The following ST3GAL3 variants were observed in gnomAD, a reference collection of about 807,000 sequenced individuals.
ST3GAL3 encodes the protein ST3 beta-galactoside alpha-2,3-sialyltransferase 3.
Under a neutral mutation model 50.1 loss-of-function variants are expected in ST3GAL3, and 21 were observed. That is an observed-to-expected ratio of 0.42 (90% CI 0.30 to 0.60). ST3GAL3 has a LOEUF of 0.60. Ranked by LOEUF, ST3GAL3 falls within the 20% of genes least tolerant of loss-of-function variation. The pLI, the probability that ST3GAL3 is intolerant of heterozygous loss-of-function variation, is 0.19. For missense variants in ST3GAL3, 353 were observed against 489.4 expected (o/e 0.72, Z 2.63); for synonymous variants, 183 against 190.0 (o/e 0.96, Z 0.30).
At chr1:43,857,636 C>CTTCCTTCCT (rs1558606445) in intron 5 of ST3GAL3, among the ~76,000 whole-genome samples, 3 of 147,062 alleles carry the variant, frequency 2.0e-5, no homozygotes, top group Non-Finnish European at 4.5e-5. Context: ...TCCTTCCTTC[C>CTTCCTTCCT]TCGGAGTCTT....
At chr1:43,825,270 A>C (rs1161449349) in intron 4 of ST3GAL3, among the ~76,000 whole-genome samples, 1 of 152,190 alleles carries the variant, frequency 6.6e-6, no homozygotes, top group Non-Finnish European at 1.5e-5. Flanking sequence ...TTTTGATTCT[A>C]AATATTGTTT....
At chr1:43,919,912 G>A (rs2082733375) in intron 9 of ST3GAL3, 1 of 235,102 alleles carries the variant, frequency 4.3e-6, no homozygotes, top group South Asian at 6.4e-5. Flanking sequence ...ACTTGCTCAC[G>A]CTCTGTCTCC....
At chr1:43,777,123 T>C (rs986297866) in intron 2 of ST3GAL3, among the ~76,000 whole-genome samples, 11 of 152,188 alleles carry the variant, frequency 7.2e-5, no homozygotes, top group African/African-American at 2.7e-4. Flanking sequence ...ATTTGGGTTT[T>C]TAAAGCAAAT....
chr1:43,877,621 C>A (rs908478445), intron 5 of ST3GAL3, among the ~76,000 whole-genome samples: 1 of 152,158 alleles, frequency 6.6e-6, no homozygotes, highest in Non-Finnish European at 1.5e-5. Context: ...GTCTTGAGCT[C>A]CGGATACAGG....
chr1:43,806,169 G>T (rs1250869835), intron 3 of ST3GAL3, among the ~76,000 whole-genome samples: 1 of 152,210 alleles, frequency 6.6e-6, no homozygotes, highest in African/African-American at 2.4e-5. Flanking sequence ...GGAGACAATA[G>T]TATAAGACAG....
intron 2 of ST3GAL3, among the ~76,000 whole-genome samples, chr1:43,777,450 A>G (rs958312726): frequency 1.3e-5 from 2 of 152,222 alleles, no homozygotes; most frequent in African/African-American, 4.8e-5. Context: ...ATGGAACACA[A>G]TAAAGAACTC....
chr1:43,921,750 C>T, intron 11 of ST3GAL3: 1 of 398,882 alleles, frequency 2.5e-6, no homozygotes, highest in East Asian at 3.6e-5. Flanking sequence ...CCCAAAAGCT[C>T]CTCCCTCTTC....
At chr1:43,917,571 TA>T (rs1419735369) in intron 9 of ST3GAL3, among the ~76,000 whole-genome samples, 4 of 84,048 alleles carry the variant, frequency 4.8e-5, no homozygotes, top group Non-Finnish European at 6.5e-5. Flanking sequence ...TTATATTATA[TA>T]ATATATTACG....
At chr1:43,877,963 T>C (rs1260424833) in intron 5 of ST3GAL3, among the ~76,000 whole-genome samples, 1 of 152,234 alleles carries the variant, frequency 6.6e-6, no homozygotes, top group Non-Finnish European at 1.5e-5. Context: ...AATGTATCTG[T>C]ATTAATTTCC....
chr1:43,844,406 A>G (rs1388663321), intron 5 of ST3GAL3, among the ~76,000 whole-genome samples: 3 of 152,202 alleles, frequency 2.0e-5, no homozygotes, highest in Non-Finnish European at 4.4e-5. Flanking sequence ...TATTCCTATC[A>G]CCCAGGAAAT....
At chr1:43,801,867 C>T (rs1278397398) in intron 3 of ST3GAL3, among the ~76,000 whole-genome samples, 1 of 152,030 alleles carries the variant, frequency 6.6e-6, no homozygotes, top group Non-Finnish European at 1.5e-5. Context: ...GTCCCAGCAG[C>T]ATTGCGCCTT....
chr1:43,772,362 T>A, intron 2 of ST3GAL3: 1 of 229,044 alleles, frequency 4.4e-6, no homozygotes, highest in Non-Finnish European at 8.4e-6. Context: ...ATCCTTTTTT[T>A]AATCCTATAT....
intron 2 of ST3GAL3, among the ~76,000 whole-genome samples, chr1:43,751,754 AGGCCT>A (rs1686189674): frequency 6.6e-6 from 1 of 152,170 alleles, no homozygotes; most frequent in Admixed American, 6.5e-5. Context: ...AGATGAATAT[AGGCCT>A]GTCCTACTCT....
At chr1:43,834,302 C>T (rs916778955) in intron 4 of ST3GAL3, among the ~76,000 whole-genome samples, 1 of 152,208 alleles carries the variant, frequency 6.6e-6, no homozygotes, top group Non-Finnish European at 1.5e-5. Context: ...CCCTGCTTCC[C>T]CGCTCCGGCT....
intron 4 of ST3GAL3, among the ~76,000 whole-genome samples, chr1:43,818,470 T>C (rs962899103): frequency 2.0e-5 from 3 of 152,206 alleles, no homozygotes; most frequent in Admixed American, 6.5e-5. Flanking sequence ...ATGCAGACTT[T>C]CCATAGAGGA....
chr1:43,793,913 A>G (rs1174846613), intron 3 of ST3GAL3, among the ~76,000 whole-genome samples: 1 of 151,774 alleles, frequency 6.6e-6, no homozygotes, highest in African/African-American at 2.4e-5. Context: ...TGAGACCCCA[A>G]CTCTACAAAA....
intron 4 of ST3GAL3, among the ~76,000 whole-genome samples, chr1:43,817,804 C>G (rs941350441): frequency 3.5e-5 from 5 of 142,192 alleles, no homozygotes. Flanking sequence ...CCTTCTCCTC[C>G]TCCTTCTCCT....
At chr1:43,901,610 G>A (rs1183298058) in intron 9 of ST3GAL3, among the ~76,000 whole-genome samples, 1 of 152,234 alleles carries the variant, frequency 6.6e-6, no homozygotes, top group African/African-American at 2.4e-5. Context: ...CAGACAGCAG[G>A]GCCTTGCTTT....
At chr1:43,833,230 C>A (rs2063784696) in intron 4 of ST3GAL3, among the ~76,000 whole-genome samples, 1 of 152,172 alleles carries the variant, frequency 6.6e-6, no homozygotes, top group African/African-American at 2.4e-5. Context: ...CCTTACACTT[C>A]CTGTTGATTA....
Sources: gnomAD v4.1 joint callset for allele counts (sites outside exome capture counted in the v4.1 genomes callset) on GRCh38, gnomAD v4.1.1 for gene constraint, MANE v1.5 for transcripts, NCBI Gene and HGNC (gene_info 2026-07-23, HGNC 2026-07-21) for gene names.